Variants in ZNF804B observed in about 807,000 individuals in gnomAD.
ZNF804B encodes zinc finger 804B.
In ZNF804B, 80 loss-of-function variants were observed where a neutral mutation model predicts 101.4. That is an observed-to-expected ratio of 0.79 (90% confidence interval 0.66 to 0.95). The LOEUF is 0.95. ZNF804B is among the 40% of genes least tolerant of loss of function. ZNF804B has a pLI of 0.00. For synonymous variants in ZNF804B, 622 were observed against 558.8 expected (o/e 1.11, Z -1.59); for missense variants, 1,673 against 1,561.9 (o/e 1.07, Z -1.20).
intron 1 of ZNF804B, among the ~76,000 whole-genome samples, chr7:89,156,655 AACTG>A (rs1340489889): frequency 6.6e-6 from 1 of 152,144 alleles, no homozygotes; most frequent in Non-Finnish European, 1.5e-5. Context: ...TATTTACAGA[AACTG>A]ACTATCTCTG....
chr7:88,907,377 G>C (rs73202708), intron 1 of ZNF804B, among the ~76,000 whole-genome samples: 22,726 of 151,822 alleles, frequency 0.15, 1,868 homozygotes, highest in African/African-American at 0.24. Context: ...TCATCATCTT[G>C]TTAGCTGATT....
intron 2 of ZNF804B, among the ~76,000 whole-genome samples, chr7:89,279,409 A>G (rs913980394): frequency 3.3e-5 from 5 of 150,574 alleles, no homozygotes. Flanking sequence ...GTGGTGAGAG[A>G]GGGCATCCCT....
At chr7:88,936,350 C>A (rs985848049) in intron 1 of ZNF804B, among the ~76,000 whole-genome samples, 2 of 151,934 alleles carry the variant, frequency 1.3e-5, no homozygotes, top group Admixed American at 1.3e-4. Flanking sequence ...AGTCACCCTG[C>A]CAAATTAAAC....
At chr7:88,806,049 T>C (rs1790680423) in intron 1 of ZNF804B, among the ~76,000 whole-genome samples, 1 of 152,036 alleles carries the variant, frequency 6.6e-6, no homozygotes, top group Non-Finnish European at 1.5e-5. Context: ...ACCTTATTTC[T>C]AACCCATTGA....
At chr7:88,830,919 ATTCTTT>A (rs1791123172) in intron 1 of ZNF804B, among the ~76,000 whole-genome samples, 1 of 151,864 alleles carries the variant, frequency 6.6e-6, no homozygotes. Context: ...TGGTTTTCAT[ATTCTTT>A]TTCTTAAATT....
At chr7:88,944,078 T>C (rs747393132) in intron 1 of ZNF804B, among the ~76,000 whole-genome samples, 4 of 151,892 alleles carry the variant, frequency 2.6e-5, no homozygotes, top group Non-Finnish European at 4.4e-5. Flanking sequence ...AATAAATTTG[T>C]GTGTAGAAAT....
At chr7:89,177,823 C>T (rs1374463216) in intron 1 of ZNF804B, among the ~76,000 whole-genome samples, 2 of 151,732 alleles carry the variant, frequency 1.3e-5, no homozygotes, top group South Asian at 2.1e-4. Context: ...GAGGCCAAGG[C>T]GGGCGGATCA....
At chr7:89,090,327 AT>A (rs1266761918) in intron 1 of ZNF804B, among the ~76,000 whole-genome samples, 11 of 152,042 alleles carry the variant, frequency 7.2e-5, no homozygotes, top group Non-Finnish European at 1.5e-4. Flanking sequence ...AAATATGAAA[AT>A]TTTTTAAAAT....
chr7:89,220,155 A>ACACACG (rs59752530), intron 2 of ZNF804B, among the ~76,000 whole-genome samples: 1 of 93,066 alleles, frequency 1.1e-5, no homozygotes, highest in Non-Finnish European at 2.2e-5. Context: ...ATATACATAT[A>ACACACG]TATATACGCA....
At chr7:89,107,864 T>C (rs1790159560) in intron 1 of ZNF804B, among the ~76,000 whole-genome samples, 1 of 152,134 alleles carries the variant, frequency 6.6e-6, no homozygotes, top group Non-Finnish European at 1.5e-5. Flanking sequence ...CTGAATTTCC[T>C]TTGGGTTCTA....
At chr7:89,035,434 TA>T (rs886550462) in intron 1 of ZNF804B, among the ~76,000 whole-genome samples, 3 of 152,030 alleles carry the variant, frequency 2.0e-5, no homozygotes, top group Non-Finnish European at 4.4e-5. Context: ...TGGTGTATTT[TA>T]AAAAAATCAG....
chr7:88,794,055 A>G, intron 1 of ZNF804B: 2 of 685,894 alleles, frequency 2.9e-6, no homozygotes, highest in Non-Finnish European at 4.7e-6. Flanking sequence ...AAAGATTAAT[A>G]TATTACCTCT....
At chr7:89,326,839 C>T (rs932683962) in intron 2 of ZNF804B, among the ~76,000 whole-genome samples, 1 of 151,936 alleles carries the variant, frequency 6.6e-6, no homozygotes, top group African/African-American at 2.4e-5. Context: ...TAAATATCTC[C>T]ATCCAGAAAA....
chr7:89,084,720 TAC>T (rs201781861), intron 1 of ZNF804B, among the ~76,000 whole-genome samples: 25 of 151,756 alleles, frequency 1.6e-4, no homozygotes, highest in African/African-American at 6.0e-4. Flanking sequence ...ACAATAGTAA[TAC>T]ACACACACAC....
intron 1 of ZNF804B, among the ~76,000 whole-genome samples, chr7:89,107,569 C>G (rs4728798): frequency 0.11 from 16,905 of 152,102 alleles, 1,008 homozygotes; most frequent in Non-Finnish European, 0.12. Flanking sequence ...AAATTATAAA[C>G]TCATTAGCGG....
intron 1 of ZNF804B, among the ~76,000 whole-genome samples, chr7:88,958,491 G>A (rs7778626): frequency 0.04 from 6,110 of 151,532 alleles, 254 homozygotes; most frequent in East Asian, 0.17. Flanking sequence ...GTCACACAGA[G>A]CCATCCATAG....
chr7:89,121,587 A>G (rs938234421), intron 1 of ZNF804B, among the ~76,000 whole-genome samples: 1 of 152,210 alleles, frequency 6.6e-6, no homozygotes, highest in African/African-American at 2.4e-5. Flanking sequence ...ACATTAATGT[A>G]TTGGACTAAA....
chr7:88,838,083 T>C (rs1562807654), intron 1 of ZNF804B, among the ~76,000 whole-genome samples: 2 of 151,814 alleles, frequency 1.3e-5, no homozygotes, highest in East Asian at 3.9e-4. Context: ...TATTAAGGGA[T>C]TCACAGACAA....
chr7:88,913,793 C>T (rs1792588978), intron 1 of ZNF804B, among the ~76,000 whole-genome samples: 1 of 152,182 alleles, frequency 6.6e-6, no homozygotes, highest in Non-Finnish European at 1.5e-5. Context: ...ATTTAGCTAC[C>T]TGTCAAAACG....
Sources: gnomAD v4.1 joint callset for allele counts (sites outside exome capture counted in the v4.1 genomes callset) on GRCh38, gnomAD v4.1.1 for gene constraint, MANE v1.5 for transcripts, NCBI Gene and HGNC (gene_info 2026-07-23, HGNC 2026-07-21) for gene names.